Variants in SAMD12 observed in about 807,000 individuals in gnomAD.
SAMD12 encodes the protein sterile alpha motif domain-containing protein 12.
A neutral mutation model predicts 15.0 loss-of-function variants in SAMD12; 9 were observed. The ratio of observed to expected loss-of-function variants is 0.60; its 90% CI spans 0.36 to 1.05. SAMD12 has a LOEUF of 1.05. Among genes scored for constraint, SAMD12 ranks in the 50% least tolerant of loss-of-function variants. The pLI is 0.01. For missense variants in SAMD12, 230 were observed against 234.2 expected (o/e 0.98, Z 0.12); for synonymous variants, 86 against 90.1 (o/e 0.96, Z 0.25).
chr8:118,279,747 C>A (rs1813565314), intron 4 of SAMD12, among the ~76,000 whole-genome samples: 1 of 152,174 alleles, frequency 6.6e-6, no homozygotes, highest in Non-Finnish European at 1.5e-5. Flanking sequence ...TCTGGACATG[C>A]ATATTTGATG....
chr8:118,187,719 C>T (rs1819267984), downstream of SAMD12, among the ~76,000 whole-genome samples: 1 of 152,162 alleles, frequency 6.6e-6, no homozygotes, highest in Non-Finnish European at 1.5e-5. Flanking sequence ...GAGAATCTGC[C>T]TACTCCTTGT....
At chr8:118,435,438 G>A (rs1254156213) in intron 3 of SAMD12, among the ~76,000 whole-genome samples, 1 of 152,040 alleles carries the variant, frequency 6.6e-6, no homozygotes, top group African/African-American at 2.4e-5. Context: ...GGCATCCACT[G>A]GGGGTCCTGC....
intron 2 of SAMD12, among the ~76,000 whole-genome samples, chr8:118,579,785 A>G (rs1454403842): frequency 6.6e-6 from 1 of 152,148 alleles, no homozygotes; most frequent in Non-Finnish European, 1.5e-5. Context: ...GAATACACAA[A>G]GGGAGAAACA....
intron 2 of SAMD12, among the ~76,000 whole-genome samples, chr8:118,549,390 C>T (rs1453018755): frequency 6.6e-6 from 1 of 152,244 alleles, no homozygotes; most frequent in Admixed American, 6.5e-5. Flanking sequence ...CACTGTTCTG[C>T]AGACACCGCT....
At chr8:118,294,339 A>G (rs940509390) in intron 4 of SAMD12, among the ~76,000 whole-genome samples, 1 of 152,212 alleles carries the variant, frequency 6.6e-6, no homozygotes, top group African/African-American at 2.4e-5. Context: ...AAAGACTGGC[A>G]TGGGTTTAAA....
intron 3 of SAMD12, among the ~76,000 whole-genome samples, chr8:118,435,518 G>A (rs559206769): frequency 1.1e-4 from 16 of 152,230 alleles, no homozygotes; most frequent in African/African-American, 3.9e-4. Context: ...TGCCACCAAA[G>A]AGCAGGTATC....
rs1259990029 is a variant in SAMD12 at position 118,318,264 on chromosome 8, T to G, written c.433+61296A>C. Among the ~76,000 whole-genome samples, 4 of 145,376 alleles carry G rather than the reference T, an allele frequency of 2.8e-5. No individual in the cohort carries two copies. The East Asian group carries it at 6.0e-4, about 22-fold the overall frequency. ...ACACATATGTTTATTGCAGCTCAAT[T>G]CACAATTGCCAATGAGTAGATTAAA... On this transcript the variant is annotated intron_variant, in intron 4 of 4. Coordinates refer to the SAMD12 transcript ENST00000409003.
At chr8:118,567,462 G>A (rs1826882544) in intron 2 of SAMD12, among the ~76,000 whole-genome samples, 1 of 152,260 alleles carries the variant, frequency 6.6e-6, no homozygotes, top group Admixed American at 6.5e-5. Flanking sequence ...AGTACAACAT[G>A]AGAAAAGGCT....
Position 118,260,822 on chromosome 8 carries a change from G to T in SAMD12, c.434-63090C>A, listed in dbSNP as rs182918935. Among the ~76,000 whole-genome samples, 57 of 152,176 alleles carry T rather than the reference G, an allele frequency of 3.7e-4. No individual in the cohort carries two copies. The East Asian group carries it at 6.8e-3, about 18-fold the overall frequency. ...CACACCCCTTCCCTTTGTTCAGTTA[G>T]ACCAAGGAGTGGTAACAGCTCCCCG... On this transcript the variant is annotated intron_variant, in intron 4 of 4. Coordinates refer to the SAMD12 transcript ENST00000409003.
At chr8:118,452,754 A>G (rs964349029) in intron 2 of SAMD12, among the ~76,000 whole-genome samples, 3 of 152,234 alleles carry the variant, frequency 2.0e-5, no homozygotes, top group African/African-American at 7.2e-5. Flanking sequence ...AGAGTAAAAA[A>G]CATGAACTTC....
intron 2 of SAMD12, among the ~76,000 whole-genome samples, chr8:118,508,607 T>A (rs1174036921): frequency 6.6e-6 from 1 of 152,216 alleles, no homozygotes; most frequent in African/African-American, 2.4e-5. Flanking sequence ...CCATGTCACT[T>A]GCATAACTGC....
Position 118,496,402 on chromosome 8 carries a change from C to T in SAMD12, c.193-56441G>A, listed in dbSNP as rs186824299. Among the ~76,000 whole-genome samples the T allele has an allele frequency of 1.1e-4, 16 of 152,058 alleles. No individual in the cohort carries two copies. The East Asian group carries it at 2.5e-3, about 24-fold the overall frequency. On this transcript the variant is annotated intron_variant, in intron 2 of 3. Coordinates refer to ENST00000314727, the MANE Select transcript of SAMD12 (RefSeq NM_207506.3). ...AGACCAATGGAACATGTTAGCGAACCCAGAAATAAAGCTGCATACCTGCAA... is the reference window on the plus strand; with the variant it reads ...AGACCAATGGAACATGTTAGCGAACTCAGAAATAAAGCTGCATACCTGCAA...
chr8:118,417,270 G>A (rs1821746555), intron 3 of SAMD12, among the ~76,000 whole-genome samples: 1 of 152,044 alleles, frequency 6.6e-6, no homozygotes, highest in African/African-American at 2.4e-5. Context: ...ATTTTGTAGA[G>A]ACAGGGTCTC....
At chr8:118,460,244 TG>T (rs1171430252) in intron 2 of SAMD12, among the ~76,000 whole-genome samples, 2 of 152,214 alleles carry the variant, frequency 1.3e-5, no homozygotes, top group Admixed American at 6.5e-5. Flanking sequence ...CACATGGCAT[TG>T]TACTGTTTGA....
chr8:118,149,861 C>T, the SAMD12 span, among the ~76,000 whole-genome samples: 1 of 152,002 alleles, frequency 6.6e-6, no homozygotes, highest in Non-Finnish European at 1.5e-5. Flanking sequence ...CACCTTTGAT[C>T]CTTTGTTGAA....
At chr8:118,374,934 ACT>A, downstream of SAMD12, among the ~76,000 whole-genome samples, 1 of 151,376 alleles carries the variant, frequency 6.6e-6, no homozygotes, top group Non-Finnish European at 1.5e-5. Flanking sequence ...TTGTCTTTTC[ACT>A]CTGTTGTTTC....
chr8:118,459,943 G>A (rs1185353327), intron 2 of SAMD12, among the ~76,000 whole-genome samples: 1 of 152,192 alleles, frequency 6.6e-6, no homozygotes, highest in East Asian at 1.9e-4. Context: ...GCCATGGAAG[G>A]CAATAAAACC....
At chr8:118,517,524 A>C (rs752131037) in intron 2 of SAMD12, among the ~76,000 whole-genome samples, 46 of 152,246 alleles carry the variant, frequency 3.0e-4, no homozygotes, top group Non-Finnish European at 4.3e-4. Context: ...TATCACATCC[A>C]TGAGGGCAAC....
chr8:118,326,849 G>A (rs1816589702), intron 4 of SAMD12, among the ~76,000 whole-genome samples: 1 of 152,190 alleles, frequency 6.6e-6, no homozygotes, highest in Admixed American at 6.6e-5. Flanking sequence ...ACAGGGGGAT[G>A]CCTTCTACAT....
Sources: gnomAD v4.1 joint callset for allele counts (sites outside exome capture counted in the v4.1 genomes callset) on GRCh38, gnomAD v4.1.1 for gene constraint, MANE v1.5 for transcripts, NCBI Gene and HGNC (gene_info 2026-07-23, HGNC 2026-07-21) for gene names.